Variants in SNTG1 observed in about 807,000 individuals in gnomAD.
SNTG1 encodes gamma-1-syntrophin.
A neutral mutation model predicts 74.7 loss-of-function variants in SNTG1; 39 were observed. The ratio of observed to expected loss-of-function variants is 0.52; its 90% CI spans 0.40 to 0.68. SNTG1 has a LOEUF of 0.68. SNTG1 is among the 30% of genes least tolerant of loss of function. The pLI is 0.00. For synonymous variants in SNTG1, 254 were observed against 217.1 expected (o/e 1.17, Z -1.49); for missense variants, 685 against 609.5 (o/e 1.12, Z -1.30).
At chr8:50,038,193 C>G (rs548546265) in intron 1 of SNTG1, among the ~76,000 whole-genome samples, 1 of 152,148 alleles carries the variant, frequency 6.6e-6, no homozygotes, top group African/African-American at 2.4e-5. Context: ...AAAACAATCA[C>G]TCTTTTCCAC....
At chr8:50,066,752 A>G (rs1468507660) in intron 1 of SNTG1, among the ~76,000 whole-genome samples, 1 of 152,184 alleles carries the variant, frequency 6.6e-6, no homozygotes, top group Non-Finnish European at 1.5e-5. Flanking sequence ...GAATATTCTA[A>G]TTGCATGATC....
chr8:50,530,068 T>C, intron 9 of SNTG1, 109 bp from the exon 10 acceptor site: 1 of 886,794 alleles, frequency 1.1e-6, no homozygotes, highest in Non-Finnish European at 1.8e-6. Context: ...TATTGTAATA[T>C]CTGATTTACT....
At chr8:49,952,806 A>C (rs889159102) in intron 1 of SNTG1, among the ~76,000 whole-genome samples, 1 of 152,196 alleles carries the variant, frequency 6.6e-6, no homozygotes, top group Non-Finnish European at 1.5e-5. Flanking sequence ...GCTTTGACTT[A>C]ATAGGTAATC....
chr8:50,349,537 A>G lies in SNTG1; in HGVS notation c.-27-44675A>G, dbSNP rs1392699281. 2.0e-5 allele frequency among the ~76,000 whole-genome samples: 3 copies of G among 151,992 alleles called. No homozygotes were observed. The East Asian group carries it at 5.8e-4, about 29-fold the overall frequency. The stretch of plus-strand genomic sequence containing the variant: ...CCAGACCTGTTTGGCAGAGTTTCTC[A>G]GTTTGGATTTTGCTAGCTGCACCTC... On this transcript the variant is annotated intron_variant, in intron 2 of 18. Transcript: ENST00000642720.
chr8:50,058,966 T>C (rs1820252914), intron 1 of SNTG1, among the ~76,000 whole-genome samples: 1 of 152,100 alleles, frequency 6.6e-6, no homozygotes. Flanking sequence ...ACTTTGTCAT[T>C]TCAAGAATGT....
rs545278654 is a variant in SNTG1, at chr8:50,114,332, A to T, written c.-102-58229A>T. Among the ~76,000 whole-genome samples, 15 of 152,338 alleles carry T rather than the reference A, an allele frequency of 9.8e-5. No individual in the cohort carries two copies. In the East Asian group the frequency reaches 2.9e-3, roughly 29 times the overall value. On this transcript the variant is annotated intron_variant, in intron 1 of 18. Transcript: ENST00000642720. ...TATCTCATTGCTAATAGTGACAAAC[A>T]TGCAATAACTTCTTAAAAAGAAGGA...
At chr8:50,301,867 T>A (rs200434587) in intron 2 of SNTG1, among the ~76,000 whole-genome samples, 1 of 151,428 alleles carries the variant, frequency 6.6e-6, no homozygotes, top group African/African-American at 2.4e-5. Flanking sequence ...TTTTTGTTTT[T>A]TTTTTTTGAG....
At chr8:50,302,047 G>A (rs2089675303) in intron 2 of SNTG1, among the ~76,000 whole-genome samples, 1 of 151,996 alleles carries the variant, frequency 6.6e-6, no homozygotes, top group Non-Finnish European at 1.5e-5. Flanking sequence ...GGTAGAGACA[G>A]AGTTTCACCA....
At position 50,170,762 on chromosome 8, in the gene SNTG1, T is replaced by C. The variant is rs537225241; in HGVS notation, c.-102-1799T>C. On this transcript the variant is annotated intron_variant, in intron 1 of 18. Coordinates refer to ENST00000642720, the MANE Select transcript of SNTG1 (RefSeq NM_018967.5). ...GGGGTTCTACCAAGCTTGTGTAGGTTTGTGGCAAAATCCAGTTCTTTGCAT... is the reference window on the plus strand; with the variant it reads ...GGGGTTCTACCAAGCTTGTGTAGGTCTGTGGCAAAATCCAGTTCTTTGCAT... 2.0e-5 allele frequency among the ~76,000 whole-genome samples: 3 copies of C among 152,270 alleles called. No homozygotes were observed. In the East Asian group the frequency reaches 5.8e-4, roughly 30 times the overall value.
intron 2 of SNTG1, among the ~76,000 whole-genome samples, chr8:50,336,006 T>G (rs547842154): frequency 6.6e-6 from 1 of 152,218 alleles, no homozygotes; most frequent in South Asian, 2.1e-4. Context: ...ATTCTTCCTG[T>G]GTCTTCCGAA....
chr8:50,108,946 A>C (rs577639249), intron 1 of SNTG1, among the ~76,000 whole-genome samples: 1 of 152,296 alleles, frequency 6.6e-6, no homozygotes, highest in Admixed American at 6.5e-5. Context: ...ACTTCTGTGT[A>C]TGTATATAGT....
intron 1 of SNTG1, among the ~76,000 whole-genome samples, chr8:50,040,392 G>C (rs1028984363): frequency 6.6e-6 from 1 of 152,006 alleles, no homozygotes; most frequent in Non-Finnish European, 1.5e-5. Context: ...ATCTCATTTT[G>C]AGGCATTTGT....
intron 15 of SNTG1, among the ~76,000 whole-genome samples, chr8:50,669,562 G>A (rs984290047): frequency 1.2e-4 from 18 of 151,990 alleles, no homozygotes; most frequent in Non-Finnish European, 1.9e-4. Flanking sequence ...GCTTACCAAC[G>A]AAAAAGAGTC....
At chr8:50,115,725 T>C (rs543088985) in intron 1 of SNTG1, among the ~76,000 whole-genome samples, 31 of 152,006 alleles carry the variant, frequency 2.0e-4, no homozygotes, top group Non-Finnish European at 3.8e-4. Flanking sequence ...ATTGTTTACA[T>C]TGCATTTTAT....
chr8:50,736,023 G>C (rs2095527760), intron 17 of SNTG1, among the ~76,000 whole-genome samples: 1 of 151,950 alleles, frequency 6.6e-6, no homozygotes, highest in Non-Finnish European at 1.5e-5. Context: ...GCCAAACTAA[G>C]CTTCATACCC....
chr8:50,327,979 CTTTG>C (rs2060957479), intron 2 of SNTG1, among the ~76,000 whole-genome samples: 1 of 152,038 alleles, frequency 6.6e-6, no homozygotes, highest in Admixed American at 6.6e-5. Context: ...TTTCTTTTAT[CTTTG>C]TTGTCATTCA....
At chr8:50,783,082 AC>A (rs1241770752) in intron 18 of SNTG1, among the ~76,000 whole-genome samples, 3 of 151,934 alleles carry the variant, frequency 2.0e-5, no homozygotes, top group African/African-American at 7.3e-5. Flanking sequence ...TCAGAGGAGT[AC>A]CCGGCCGTGT....
rs540717891 is a variant in SNTG1 at position 50,100,379 on chromosome 8, TAAC to T, written c.-102-72179_-102-72177del. Among the ~76,000 whole-genome samples, 10 of 152,168 alleles carry T rather than the reference TAAC, an allele frequency of 6.6e-5. No individual in the cohort carries two copies. The South Asian group carries it at 2.1e-3, about 32-fold the overall frequency. On this transcript the variant is annotated intron_variant, in intron 1 of 18. Coordinates refer to ENST00000642720, the MANE Select transcript of SNTG1 (RefSeq NM_018967.5). ...TATATTACTATAGGATGACTATAGT[TAAC>T]AATAATTTATTATATACTTTCAAAC...
chr8:50,394,178 T>C, intron 2 of SNTG1, 34 bp from the exon 3 acceptor site: 1 of 1,566,478 alleles, frequency 6.4e-7, no homozygotes, highest in South Asian at 1.1e-5. Context: ...TGCCATGCTG[T>C]GCCTAATGGC....
Sources: allele counts gnomAD v4.1 joint callset (sites outside exome capture counted in the v4.1 genomes callset), GRCh38; gene constraint gnomAD v4.1.1; transcripts MANE v1.5; gene names NCBI Gene and HGNC (gene_info 2026-07-23, HGNC 2026-07-21).